The following GLI3 variants were observed in gnomAD, a reference collection of about 807,000 sequenced individuals.
GLI3 encodes the protein transcription activator GLI3.
In GLI3, 20 loss-of-function variants were observed where a neutral mutation model predicts 100.8. The observed-to-expected ratio is 0.20, with a 90% CI of 0.14 to 0.29. The LOEUF (loss-of-function observed/expected upper bound fraction) is 0.29, where lower values mean the gene tolerates loss of function less well. Among genes scored for constraint, GLI3 ranks in the 10% least tolerant of loss-of-function variants. GLI3 has a pLI of 1.00. For synonymous variants in GLI3, 938 were observed against 860.5 expected (o/e 1.09, Z -1.58); for missense variants, 2,040 against 2,128.5 (o/e 0.96, Z 0.82).
At chr7:42,118,964 A>C (rs535770266) in intron 3 of GLI3, among the ~76,000 whole-genome samples, 13 of 152,330 alleles carry the variant, frequency 8.5e-5, no homozygotes, top group Admixed American at 7.2e-4. Flanking sequence ...ACCCTTTCAC[A>C]GTTCAGCAAG....
chr7:42,220,915 A>G (rs1410529159), intron 2 of GLI3, among the ~76,000 whole-genome samples: 1 of 152,226 alleles, frequency 6.6e-6, no homozygotes, highest in Non-Finnish European at 1.5e-5. Context: ...TTTCTAGGAC[A>G]GCTATCACTC....
chr7:41,977,752 C>T, intron 11 of GLI3, 30 bp from the exon 12 acceptor site: 6 of 1,605,746 alleles, frequency 3.7e-6, no homozygotes, highest in Non-Finnish European at 4.3e-6. Context: ...CTGGATTACT[C>T]TGCACAATGG....
At chr7:42,147,240 G>A (rs1786735523) in intron 3 of GLI3, among the ~76,000 whole-genome samples, 1 of 152,102 alleles carries the variant, frequency 6.6e-6, no homozygotes, top group South Asian at 2.1e-4. Context: ...TTTATCCTGG[G>A]CACTTTCTTG....
chr7:42,001,443 T>G (rs890918435), intron 10 of GLI3, among the ~76,000 whole-genome samples: 5 of 152,102 alleles, frequency 3.3e-5, no homozygotes, highest in African/African-American at 1.2e-4. Context: ...CTTGGATAAG[T>G]CTCACAGCCA....
At chr7:42,225,939 C>T (rs569731303) in intron 1 of GLI3, among the ~76,000 whole-genome samples, 2 of 152,192 alleles carry the variant, frequency 1.3e-5, no homozygotes, top group Non-Finnish European at 2.9e-5. Context: ...TTACTGAGTA[C>T]ATAAATGATC....
chr7:42,030,029 T>G (rs908064441), intron 7 of GLI3, among the ~76,000 whole-genome samples: 15 of 152,106 alleles, frequency 9.9e-5, no homozygotes, highest in Admixed American at 2.6e-4. Context: ...CTGAGTGGCT[T>G]AAAAAAACAG....
chr7:42,157,812 T>C (rs567361439), intron 2 of GLI3, among the ~76,000 whole-genome samples: 1 of 152,356 alleles, frequency 6.6e-6, no homozygotes, highest in African/African-American at 2.4e-5. Context: ...GTTTATCTGT[T>C]GAAGCCTTGC....
intron 2 of GLI3, among the ~76,000 whole-genome samples, chr7:42,181,948 A>G (rs888106004): frequency 2.0e-5 from 3 of 152,130 alleles, no homozygotes; most frequent in African/African-American, 7.2e-5. Context: ...AGGACTTCAG[A>G]GTGGTCCTTG....
chr7:42,050,980 T>C (rs1303545461), intron 4 of GLI3, among the ~76,000 whole-genome samples: 1 of 152,114 alleles, frequency 6.6e-6, no homozygotes, highest in East Asian at 1.9e-4. Flanking sequence ...GAAGCTGTTT[T>C]CTCCTCACAA....
intron 12 of GLI3, among the ~76,000 whole-genome samples, chr7:41,975,094 C>A (rs541167273): frequency 2.0e-5 from 3 of 152,110 alleles, no homozygotes; most frequent in African/African-American, 7.2e-5. Flanking sequence ...ACTTGTTTAG[C>A]GGTATCTTTG....
At chr7:42,249,974 A>T (rs1395478639) in intron 1 of GLI3, among the ~76,000 whole-genome samples, 1 of 152,120 alleles carries the variant, frequency 6.6e-6, no homozygotes, top group African/African-American at 2.4e-5. Flanking sequence ...GCATACCTGT[A>T]GTCCCAGCTA....
At chr7:42,095,279 C>T (rs1258924087) in intron 3 of GLI3, among the ~76,000 whole-genome samples, 1 of 152,198 alleles carries the variant, frequency 6.6e-6, no homozygotes, top group East Asian at 1.9e-4. Context: ...CCAGATGAGG[C>T]TGCTGCTGCT....
At chr7:42,194,628 T>C (rs538498613) in intron 2 of GLI3, among the ~76,000 whole-genome samples, 1 of 152,248 alleles carries the variant, frequency 6.6e-6, no homozygotes, top group Non-Finnish European at 1.5e-5. Context: ...CGGCATTCCA[T>C]CTACCCATGA....
intron 3 of GLI3, among the ~76,000 whole-genome samples, chr7:42,078,133 G>A (rs1048699286): frequency 3.3e-5 from 5 of 152,150 alleles, no homozygotes; most frequent in South Asian, 2.1e-4. Context: ...GCGTCCCCCC[G>A]CTGAAGTCGG....
intron 2 of GLI3, among the ~76,000 whole-genome samples, chr7:42,176,312 AG>A (rs1382438229): frequency 6.6e-6 from 1 of 152,112 alleles, no homozygotes; most frequent in Non-Finnish European, 1.5e-5. Flanking sequence ...AGTTCTGTAC[AG>A]GACTTTCCCC....
chr7:42,087,027 G>T (rs1037790021), intron 3 of GLI3, among the ~76,000 whole-genome samples: 2 of 152,168 alleles, frequency 1.3e-5, no homozygotes, highest in Admixed American at 1.3e-4. Flanking sequence ...CCTCCCAGGA[G>T]GTCTGGGGTG....
At chr7:42,065,845 G>C (rs1295587406) in intron 4 of GLI3, among the ~76,000 whole-genome samples, 1 of 152,122 alleles carries the variant, frequency 6.6e-6, no homozygotes, top group Non-Finnish European at 1.5e-5. Flanking sequence ...AAATGACTTA[G>C]TAGCCTCTTT....
intron 2 of GLI3, among the ~76,000 whole-genome samples, chr7:42,173,083 G>A (rs1787409170): frequency 6.6e-6 from 1 of 152,124 alleles, no homozygotes; most frequent in Non-Finnish European, 1.5e-5. Flanking sequence ...TTGTCACAAC[G>A]ACGGGTATAT....
chr7:42,190,943 G>A (rs1248289276), intron 2 of GLI3, among the ~76,000 whole-genome samples: 2 of 151,836 alleles, frequency 1.3e-5, no homozygotes, highest in Non-Finnish European at 2.9e-5. Flanking sequence ...ATGATAAAAA[G>A]TAATTGATAA....
Sources: gnomAD v4.1 joint callset for allele counts (sites outside exome capture counted in the v4.1 genomes callset) on GRCh38, gnomAD v4.1.1 for gene constraint, MANE v1.5 for transcripts, NCBI Gene and HGNC (gene_info 2026-07-23, HGNC 2026-07-21) for gene names.